Variants in DNAJC1 observed in about 807,000 individuals in gnomAD.
The protein encoded by DNAJC1 is DnaJ heat shock protein family (Hsp40) member C1.
A neutral mutation model predicts 76.6 loss-of-function variants in DNAJC1; 58 were observed. The observed-to-expected ratio is 0.76, with a 90% confidence interval of 0.61 to 0.94. DNAJC1 has a LOEUF of 0.94. Ranked by LOEUF, DNAJC1 falls within the 40% of genes least tolerant of loss-of-function variation. The pLI, the probability that DNAJC1 is intolerant of heterozygous loss-of-function variation, is 0.00. For missense variants in DNAJC1, 689 were observed against 677.3 expected, an observed-to-expected ratio of 1.02 and a Z score of -0.19; for synonymous variants, 258 against 267.9, an observed-to-expected ratio of 0.96 and a Z score of 0.36.
At chr10:21,773,896 C>T (rs1331601999) in intron 9 of DNAJC1, among the ~76,000 whole-genome samples, 1 of 151,102 alleles carries the variant, frequency 6.6e-6, no homozygotes, top group South Asian at 2.1e-4. Flanking sequence ...AATCCCAGCA[C>T]TTTGGGAGGC....
chr10:21,779,759 A>G (rs1395388436), intron 9 of DNAJC1, among the ~76,000 whole-genome samples: 2 of 152,220 alleles, frequency 1.3e-5, no homozygotes, highest in African/African-American at 4.8e-5. Context: ...GACTTTGATG[A>G]GTTGAGAGAA....
At chr10:21,813,680 G>A (rs984028060) in intron 8 of DNAJC1, among the ~76,000 whole-genome samples, 1 of 152,126 alleles carries the variant, frequency 6.6e-6, no homozygotes. Flanking sequence ...GAGCCACTGC[G>A]CCCAGCCAGG....
intron 8 of DNAJC1, among the ~76,000 whole-genome samples, chr10:21,870,339 A>T (rs1054693131): frequency 1.3e-5 from 2 of 152,152 alleles, no homozygotes; most frequent in Non-Finnish European, 1.5e-5. Flanking sequence ...ATGTGGACAA[A>T]ATCAGAAGAG....
At chr10:21,823,330 A>C (rs1427395821) in intron 8 of DNAJC1, among the ~76,000 whole-genome samples, 1 of 152,196 alleles carries the variant, frequency 6.6e-6, no homozygotes, top group Admixed American at 6.5e-5. Flanking sequence ...AAGGAAAGTG[A>C]TGTCAAAAGT....
At chr10:21,836,372 C>T (rs1353176429) in intron 8 of DNAJC1, among the ~76,000 whole-genome samples, 1 of 152,186 alleles carries the variant, frequency 6.6e-6, no homozygotes, top group Non-Finnish European at 1.5e-5. Context: ...CTGCAAAAAA[C>T]ATGCCAAACT....
chr10:21,840,471 G>A (rs1479596414), intron 8 of DNAJC1, among the ~76,000 whole-genome samples: 7 of 152,058 alleles, frequency 4.6e-5, no homozygotes, highest in African/African-American at 1.7e-4. Flanking sequence ...GACAAACACA[G>A]AGCCAAATCA....
intron 8 of DNAJC1, among the ~76,000 whole-genome samples, chr10:21,839,002 T>C (rs1035877026): frequency 2.6e-5 from 4 of 152,204 alleles, no homozygotes; most frequent in Non-Finnish European, 4.4e-5. Flanking sequence ...GAATGACTAC[T>C]GGGTAAATAA....
chr10:21,987,478 A>G (rs1415026515), intron 1 of DNAJC1, among the ~76,000 whole-genome samples: 1 of 152,212 alleles, frequency 6.6e-6, no homozygotes, highest in African/African-American at 2.4e-5. Flanking sequence ...CTCATCCTCA[A>G]GGTTAGCTTT....
intron 8 of DNAJC1, among the ~76,000 whole-genome samples, chr10:21,813,096 CATAT>C (rs373917334): frequency 3.7e-4 from 43 of 117,292 alleles, no homozygotes; most frequent in African/African-American, 1.3e-3. Context: ...TACACACACA[CATAT>C]ATATATATAT....
At chr10:21,959,089 C>A (rs1358115798) in intron 1 of DNAJC1, among the ~76,000 whole-genome samples, 3 of 152,068 alleles carry the variant, frequency 2.0e-5, no homozygotes, top group Non-Finnish European at 4.4e-5. Context: ...GATAGTTTAA[C>A]AGGAAAACAA....
intron 1 of DNAJC1, among the ~76,000 whole-genome samples, chr10:21,976,119 C>T (rs532691936): frequency 7.2e-5 from 11 of 152,204 alleles, no homozygotes; most frequent in African/African-American, 2.6e-4. Context: ...AAGGACCATA[C>T]AATAAGATTT....
At chr10:21,786,933 TAATA>T (rs1834619179) in intron 9 of DNAJC1, among the ~76,000 whole-genome samples, 1 of 152,236 alleles carries the variant, frequency 6.6e-6, no homozygotes, top group Admixed American at 6.5e-5. Flanking sequence ...AGGGAGTATG[TAATA>T]AATAATATTA....
chr10:21,954,313 A>G (rs1837647032), intron 1 of DNAJC1, among the ~76,000 whole-genome samples: 1 of 152,204 alleles, frequency 6.6e-6, no homozygotes, highest in African/African-American at 2.4e-5. Context: ...CTCAGGATGT[A>G]GTCATAATGA....
At chr10:21,870,978 A>T (rs1342331416) in intron 8 of DNAJC1, among the ~76,000 whole-genome samples, 1 of 150,754 alleles carries the variant, frequency 6.6e-6, no homozygotes, top group Non-Finnish European at 1.5e-5. Context: ...ACTAACTTGC[A>T]AAGAATGGAA....
At chr10:21,915,756 T>C (rs972789295) in intron 6 of DNAJC1, among the ~76,000 whole-genome samples, 1 of 151,912 alleles carries the variant, frequency 6.6e-6, no homozygotes, top group Non-Finnish European at 1.5e-5. Flanking sequence ...ATTGTTTCTA[T>C]GAAAACCAAG....
chr10:21,836,362 C>T lies in DNAJC1; in HGVS notation c.979-30263G>A, dbSNP rs184489873. ...GGAAAGGAACAACCAGTACCAGCCA[C>T]TGCAAAAAACATGCCAAACTGTAAA... On this transcript the variant is annotated intron_variant, in intron 8 of 11. Coordinates refer to ENST00000376980, the MANE Select transcript of DNAJC1 (RefSeq NM_022365.4). 7.9e-5 allele frequency among the ~76,000 whole-genome samples: 12 copies of T among 152,294 alleles called. No homozygotes were observed. The East Asian group carries it at 1.9e-3, about 24-fold the overall frequency.
Position 21,759,442 on chromosome 10 carries a change from G to A in DNAJC1, c.1324C>T (p.Pro442Ser). The A allele has an allele frequency of 6.2e-7, 1 of 1,614,110 alleles. No homozygotes were observed. Among genetic ancestry groups the A allele is most frequent in the Non-Finnish European group, 8.5e-7 (1 of 1,180,038 alleles). The change falls in exon 11 of 12, where the codon CCT becomes TCT. Residue 442 changes from proline (P) to serine (S), a missense_variant. Pro to Ser is a moderately conservative substitution (Grantham distance 74). Transcript: ENST00000376980. ...EQETGATDAR[P>S]RRRKPARLLE... ...AGCCTGGCTGGCTTCCGCCTCCGAG[G>A]CCGGGCATCAGTGGCCCCGGTCTCC...
chr10:21,953,253 T>A (rs1434136591), intron 1 of DNAJC1, among the ~76,000 whole-genome samples: 2 of 152,074 alleles, frequency 1.3e-5, no homozygotes. Context: ...GGCATAATAA[T>A]ATAGATGGTC....
chr10:21,816,605 G>A (rs1466739995), intron 8 of DNAJC1, among the ~76,000 whole-genome samples: 2 of 149,304 alleles, frequency 1.3e-5, no homozygotes, highest in African/African-American at 4.9e-5. Flanking sequence ...GAGTGCAGTG[G>A]TGCGATCTCC....
Sources: gnomAD v4.1 joint callset for allele counts (sites outside exome capture counted in the v4.1 genomes callset) on GRCh38, gnomAD v4.1.1 for gene constraint, MANE v1.5 for transcripts, NCBI Gene and HGNC (gene_info 2026-07-23, HGNC 2026-07-21) for gene names.